The following EGFR variants were observed in gnomAD, a reference collection of about 807,000 sequenced individuals.
EGFR encodes the protein epidermal growth factor receptor, also known as avian erythroblastic leukemia viral (v-erb-b) oncogene homolog.
Under a neutral mutation model 143.0 loss-of-function variants are expected in EGFR, and 58 were observed. The observed-to-expected ratio is 0.41, with a 90% confidence interval of 0.33 to 0.50. The LOEUF is 0.50. Among genes scored for constraint, EGFR ranks in the 20% least tolerant of loss-of-function variants. The pLI is 0.39. For synonymous variants in EGFR, 613 were observed against 594.4 expected (o/e 1.03, Z -0.45); for missense variants, 1,307 against 1,579.0 (o/e 0.83, Z 2.92).
intron 1 of EGFR, among the ~76,000 whole-genome samples, chr7:55,126,908 T>C (rs946351073): frequency 6.6e-6 from 1 of 152,230 alleles, no homozygotes; most frequent in Non-Finnish European, 1.5e-5. Flanking sequence ...CATACCGTAG[T>C]ATGAAATAGC....
intron 1 of EGFR, among the ~76,000 whole-genome samples, chr7:55,041,137 G>A (rs1787872219): frequency 6.6e-6 from 1 of 152,224 alleles, no homozygotes; most frequent in Admixed American, 6.5e-5. Flanking sequence ...TAAAATCCAG[G>A]CGCAGTGGCT....
intron 1 of EGFR, among the ~76,000 whole-genome samples, chr7:55,113,575 T>C (rs1430111848): frequency 6.6e-5 from 10 of 152,204 alleles, no homozygotes. Context: ...TTTGTCAATG[T>C]ACCTCCTTCA....
intron 1 of EGFR, among the ~76,000 whole-genome samples, chr7:55,102,970 T>C (rs1184549000): frequency 6.6e-6 from 1 of 152,240 alleles, no homozygotes. Flanking sequence ...GAAGGCCACG[T>C]GCTTTGACTT....
chr7:55,157,715 T>C lies in EGFR; in HGVS notation c.1260T>C (p.Phe420=), dbSNP rs958451974. 3 of 1,614,214 alleles carry C rather than the reference T, an allele frequency of 1.9e-6. No homozygotes were observed. Among genetic ancestry groups the C allele is most frequent in the Non-Finnish European group, 2.5e-6 (3 of 1,180,022 alleles). ...WPENRTDLHA[F]ENLEIIRGRT... ...AAAACAGGACGGACCTCCATGCCTT[T>C]GAGAACCTAGAAATCATACGCGGCA... Residue 420 remains phenylalanine (F), a synonymous_variant, in exon 11 of 28, where the codon TTT becomes TTC. Transcript: ENST00000275493.
intron 1 of EGFR, among the ~76,000 whole-genome samples, chr7:55,078,906 C>A (rs1375583478): frequency 6.6e-6 from 1 of 152,100 alleles, no homozygotes; most frequent in African/African-American, 2.4e-5. Context: ...GCCAGGCACG[C>A]GTCTGGGGTG....
At chr7:55,171,089 G>A (rs1786327778) in intron 15 of EGFR, 86 bp from the exon 16 acceptor site, 10 of 1,588,082 alleles carry the variant, frequency 6.3e-6, no homozygotes, top group Non-Finnish European at 8.6e-6. Context: ...AGCATATATT[G>A]CTTTATGATT....
In EGFR at chr7:55,201,171, C is replaced by T. The variant is rs201715758; in HGVS notation, c.2947-17C>T. 538 of 1,614,004 alleles carry T rather than the reference C, an allele frequency of 3.3e-4. No individual in the cohort carries two copies. Among genetic ancestry groups the T allele is most frequent in the Non-Finnish European group, 4.2e-4 (492 of 1,180,036 alleles). ...TCTCTACGGGCCATTCTAATAGCCT[C>T]AAAATCTCTGCACCAGGGGGATGAA... On this transcript the variant is annotated splice_polypyrimidine_tract_variant and intron_variant, in intron 24 of 27. Transcript: ENST00000275493.
At chr7:55,026,292 C>A (rs984497325) in intron 1 of EGFR, among the ~76,000 whole-genome samples, 1 of 152,184 alleles carries the variant, frequency 6.6e-6, no homozygotes, top group Admixed American at 6.5e-5. Flanking sequence ...ATTAGTAAAT[C>A]AGTTCCAGAG....
In EGFR at chr7:55,176,511, G is replaced by A. The variant is rs571480681; in HGVS notation, c.2283+1691G>A. 5.6e-4 allele frequency among the ~76,000 whole-genome samples: 85 copies of A among 152,212 alleles called. 1 individual carries two copies. Among genetic ancestry groups the A allele is most frequent in the African/African-American group, 2.0e-3 (84 of 41,534 alleles). On this transcript the variant is annotated intron_variant, in intron 19 of 27. Transcript: ENST00000275493. ...GAGGCAGGAGGATCCCTTGAGCTTA[G>A]GAGTTTGAGACCAGCCTGGGCAACA...
At chr7:55,108,352 G>C (rs1407833018) in intron 1 of EGFR, among the ~76,000 whole-genome samples, 3 of 152,226 alleles carry the variant, frequency 2.0e-5, no homozygotes, top group African/African-American at 7.2e-5. Flanking sequence ...CTGGGTGCCG[G>C]TGTGCAGAGG....
intron 1 of EGFR, among the ~76,000 whole-genome samples, chr7:55,045,512 T>C (rs1222972411): frequency 6.6e-6 from 1 of 152,208 alleles, no homozygotes; most frequent in East Asian, 1.9e-4. Flanking sequence ...CTTCCGTCTC[T>C]AACAAAAGTG....
At chr7:55,019,561 C>A (rs1338987309) in intron 1 of EGFR, among the ~76,000 whole-genome samples, 196 bp downstream of exon 1, 1 of 152,080 alleles carries the variant, frequency 6.6e-6, no homozygotes, top group African/African-American at 2.4e-5. Context: ...CCGGGAGAGT[C>A]TGGGGCGGGC....
At chr7:55,088,465 A>G (rs1013602339) in intron 1 of EGFR, among the ~76,000 whole-genome samples, 4 of 152,220 alleles carry the variant, frequency 2.6e-5, no homozygotes, top group Non-Finnish European at 5.9e-5. Context: ...CCCTGGTCAC[A>G]CTTCTGGTTG....
intron 1 of EGFR, among the ~76,000 whole-genome samples, chr7:55,108,282 C>G (rs939912019): frequency 6.6e-6 from 1 of 152,238 alleles, no homozygotes; most frequent in South Asian, 2.1e-4. Context: ...GAACTTATAA[C>G]TCATGTTCGG....
Position 55,181,290 on chromosome 7 carries a change from C to T in EGFR, c.2284-3C>T, listed in dbSNP as rs1379173725. On this transcript the variant is annotated splice_region_variant and splice_polypyrimidine_tract_variant and intron_variant, in intron 19 of 27. Coordinates refer to ENST00000275493, the MANE Select transcript of EGFR (RefSeq NM_005228.5). Reference sequence around the variant, plus strand: ...ACACTGACGTGCCTCTCCCTCCCTCCAGGAAGCCTACGTGATGGCCAGCGT... The same window carrying T: ...ACACTGACGTGCCTCTCCCTCCCTCTAGGAAGCCTACGTGATGGCCAGCGT... 1 of 1,614,136 alleles carries T rather than the reference C, an allele frequency of 6.2e-7. No individual in the cohort carries two copies. Among genetic ancestry groups the T allele is most frequent in the South Asian group, 1.1e-5 (1 of 91,082 alleles).
At chr7:55,103,658 G>A (rs966197567) in intron 1 of EGFR, among the ~76,000 whole-genome samples, 5 of 152,230 alleles carry the variant, frequency 3.3e-5, no homozygotes, top group Admixed American at 6.5e-5. Flanking sequence ...GAATGATGTC[G>A]TGGGTGTTTG....
rs532328326 is a variant in EGFR at position 55,209,522 on chromosome 7, A to T, written c.*3905A>T. ...AGTGAGCTGCTATTCCACGTAGGCA[A>T]CACCTGTTGAAATTGCCCTCAATGT... is the stretch of plus-strand genomic sequence containing the variant. On this transcript the variant is annotated 3_prime_UTR_variant, in exon 28 of 28. Coordinates refer to ENST00000275493, the MANE Select transcript of EGFR (RefSeq NM_005228.5). 17 of 152,318 alleles carry T rather than the reference A, an allele frequency of 1.1e-4. No homozygotes were observed. The highest frequency in any genetic ancestry group is 3.6e-4 in the African/African-American group (15 of 41,576). 9.4% of individuals were successfully genotyped at this position (152,318 alleles called of 1,614,324 possible).
intron 1 of EGFR, among the ~76,000 whole-genome samples, chr7:55,068,769 AAGAG>A (rs142192851): frequency 6.6e-6 from 1 of 150,610 alleles, no homozygotes; most frequent in African/African-American, 2.4e-5. Flanking sequence ...AACCTTAGAG[AAGAG>A]AGAGAGAGAG....
At chr7:55,134,722 G>C (rs1336001636) in intron 1 of EGFR, among the ~76,000 whole-genome samples, 5 of 152,310 alleles carry the variant, frequency 3.3e-5, no homozygotes, top group African/African-American at 1.2e-4. Context: ...AAGATTATTA[G>C]TTTAAAAACC....
Sources: gnomAD v4.1 joint callset for allele counts (sites outside exome capture counted in the v4.1 genomes callset) on GRCh38, gnomAD v4.1.1 for gene constraint, MANE v1.5 for transcripts, NCBI Gene and HGNC (gene_info 2026-07-23, HGNC 2026-07-21) for gene names.